DMD: variants seen among roughly 807,000 people sequenced by gnomAD.
DMD encodes the protein mutant dystrophin.
DMD carries 63 observed loss-of-function variants against 330.1 expected under a neutral mutation model. The observed-to-expected ratio is 0.19, with a 90% CI of 0.16 to 0.24. The LOEUF is 0.24. Among genes scored for constraint, DMD ranks in the 10% least tolerant of loss-of-function variants. The pLI is 1.00. For synonymous variants in DMD, 1,223 were observed against 959.8 expected (o/e 1.27, Z -5.07); for missense variants, 3,344 against 2,684.1 (o/e 1.25, Z -5.43).
chrX:31,666,167 C>T (rs2081412282), intron 53 of DMD, among the ~76,000 whole-genome samples: 1 of 111,430 alleles, frequency 9.0e-6, no homozygotes, highest in Non-Finnish European at 1.9e-5. Flanking sequence ...CTTTTCAGAC[C>T]CCATGAGCAT....
chrX:32,072,373 T>C (rs2096307258), intron 44 of DMD, among the ~76,000 whole-genome samples: 1 of 110,985 alleles, frequency 9.0e-6, no homozygotes, highest in Non-Finnish European at 1.9e-5. Flanking sequence ...GAGGAAACTA[T>C]ATAGTGAACA....
At chrX:32,248,408 T>A (rs1248371984) in intron 43 of DMD, among the ~76,000 whole-genome samples, 2 of 111,364 alleles carry the variant, frequency 1.8e-5, no homozygotes, top group Non-Finnish European at 3.8e-5. Context: ...AACCATCTTA[T>A]CATATTCTTT....
At chrX:31,621,952 G>T (rs2078555302) in intron 55 of DMD, among the ~76,000 whole-genome samples, 1 of 111,673 alleles carries the variant, frequency 9.0e-6, no homozygotes, top group African/African-American at 3.3e-5. Context: ...CTAAACAGAG[G>T]TTCTCACTGG....
chrX:33,009,285 T>A (rs1456814283), intron 2 of DMD, among the ~76,000 whole-genome samples: 1 of 55,941 alleles, frequency 1.8e-5, no homozygotes, highest in Non-Finnish European at 3.7e-5. Context: ...CATATGTGTA[T>A]GTGTGTATAT....
intron 48 of DMD, 30 bp downstream of exon 48, chrX:31,875,158 C>A (rs2093948602): frequency 3.4e-6 from 4 of 1,164,094 alleles, no homozygotes; most frequent in Non-Finnish European, 4.6e-6. Flanking sequence ...TTAAAAAAGA[C>A]AAAAATATTT....
chrX:33,221,430 G>A (rs181684160), intron 1 of DMD, among the ~76,000 whole-genome samples: 89 of 111,176 alleles, frequency 8.0e-4, no homozygotes, highest in African/African-American at 2.6e-3. Flanking sequence ...TAAGCATTGC[G>A]TTTTAAAAAG....
At chrX:31,709,833 A>G (rs967553696) in intron 52 of DMD, among the ~76,000 whole-genome samples, 37 of 111,225 alleles carry the variant, frequency 3.3e-4, no homozygotes, top group African/African-American at 1.2e-3. Context: ...ATCTGTATCT[A>G]TCTCTATCTC....
At chrX:32,491,128 C>T in intron 20 of DMD, 149 bp downstream of exon 20, 1 of 705,522 alleles carries the variant, frequency 1.4e-6, no homozygotes, top group South Asian at 2.5e-5. Flanking sequence ...AAACAGATTT[C>T]TGTTGCTTAC....
At position 33,009,673 on chromosome X, in the gene DMD, C is replaced by A. The variant is rs192003438; in HGVS notation, c.93+10466G>T. 3.3e-3 allele frequency among the ~76,000 whole-genome samples: 106 copies of A among 31,972 alleles called. 29 individuals carry two copies. The highest frequency in any genetic ancestry group is 8.6e-3 in the African/African-American group (79 of 9,213). The allele number at this position is 31,972 out of a possible 115,157, so 27.8% of individuals were successfully genotyped here. A position where few individuals can be genotyped will look rare whatever the true frequency, so the allele number is the denominator to read the frequency against. ...GTGTGTATACGTGTATATGTGTATA[C>A]GTATATGTGTATATGCACATATGTG... On this transcript the variant is annotated intron_variant, in intron 2 of 78. Coordinates refer to ENST00000357033, the MANE Select transcript of DMD (RefSeq NM_004006.3).
rs781284259 is a variant in DMD at position 31,709,031 on chromosome X, G to C, written c.7660+20600C>G. ...TCACACCTGTAATCCCAGCTCTTTG[G>C]GGGAACAAGGCAGACAGATCACTTG... On this transcript the variant is annotated intron_variant, in intron 52 of 78. Coordinates refer to ENST00000357033, the MANE Select transcript of DMD (RefSeq NM_004006.3). Among the ~76,000 whole-genome samples the C allele has an allele frequency of 3.6e-5, 4 of 112,062 alleles. No individual in the cohort carries two copies. In the South Asian group the frequency reaches 1.5e-3, roughly 42 times the overall value.
At chrX:32,815,518 T>C (rs201768129) in intron 6 of DMD, among the ~76,000 whole-genome samples, 2,789 of 45,396 alleles carry the variant, frequency 0.061, 154 homozygotes, top group African/African-American at 0.19. Flanking sequence ...TATATATATA[T>C]ATACACACAC....
At chrX:33,214,426 C>T (rs1358878939), upstream of DMD, among the ~76,000 whole-genome samples, 4 of 110,881 alleles carry the variant, frequency 3.6e-5, no homozygotes, top group Non-Finnish European at 5.7e-5. Context: ...ATGTTTTTAC[C>T]GCATTGATTC....
At chrX:32,034,864 A>C (rs1029772187) in intron 44 of DMD, among the ~76,000 whole-genome samples, 1 of 110,378 alleles carries the variant, frequency 9.1e-6, no homozygotes, top group Non-Finnish European at 1.9e-5. Context: ...AGAACATAAA[A>C]TAAATATTTA....
In DMD at chrX:32,444,516, C is replaced by T. The variant is rs1342302926; in HGVS notation, c.3787-3202G>A. 2.7e-5 allele frequency among the ~76,000 whole-genome samples: 3 copies of T among 110,972 alleles called. No homozygotes were observed. The East Asian group carries it at 8.5e-4, about 32-fold the overall frequency. On this transcript the variant is annotated intron_variant, in intron 27 of 78. Coordinates refer to ENST00000357033, the MANE Select transcript of DMD (RefSeq NM_004006.3). ...TTGTAACAAATGGTAGAATCCATAC[C>T]TTATGACATAAAGATAATAGAACAA...
intron 22 of DMD, among the ~76,000 whole-genome samples, chrX:32,470,108 A>C (rs1446747717): frequency 9.0e-6 from 1 of 111,541 alleles, no homozygotes; most frequent in Non-Finnish European, 1.9e-5. Context: ...GTATGCAAAA[A>C]AAATTCTCAT....
At chrX:32,759,861 G>A (rs2072023758) in intron 7 of DMD, among the ~76,000 whole-genome samples, 2 of 9,831 alleles carry the variant, frequency 2.0e-4, no homozygotes, top group Admixed American at 2.5e-3. Flanking sequence ...GGGGGGGGGC[G>A]GGGGAAGACC....
chrX:31,479,279 T>C (rs1265087556), intron 57 of DMD, among the ~76,000 whole-genome samples, 176 bp from the exon 58 acceptor site: 1 of 111,906 alleles, frequency 8.9e-6, no homozygotes, highest in Non-Finnish European at 1.9e-5. Flanking sequence ...TATCTGTTAA[T>C]GAGGAAAGCG....
chrX:32,683,670 C>T (rs745801064), intron 9 of DMD, among the ~76,000 whole-genome samples: 87 of 102,768 alleles, frequency 8.5e-4, no homozygotes, highest in African/African-American at 3.0e-3. Flanking sequence ...GAAGGGATAG[C>T]ATTAGGAGAT....
chrX:31,270,490 TAAAG>T, intron 62 of DMD, among the ~76,000 whole-genome samples: 1 of 111,776 alleles, frequency 8.9e-6, no homozygotes, highest in South Asian at 3.7e-4. Context: ...CTTTTGAGGG[TAAAG>T]GCATATCAAC....
Sources: allele counts gnomAD v4.1 joint callset (sites outside exome capture counted in the v4.1 genomes callset), GRCh38; gene constraint gnomAD v4.1.1; transcripts MANE v1.5; gene names NCBI Gene and HGNC (gene_info 2026-07-23, HGNC 2026-07-21).